ROBO2: variants seen among roughly 807,000 people sequenced by gnomAD.
ROBO2 encodes the protein roundabout guidance receptor 2, also known as roundabout homolog 2.
In ROBO2, 53 loss-of-function variants were observed where a neutral mutation model predicts 160.8. The ratio of observed to expected loss-of-function variants is 0.33; its 90% CI spans 0.26 to 0.41. ROBO2 has a LOEUF of 0.41. Ranked by LOEUF, ROBO2 falls within the 10% of genes least tolerant of loss-of-function variation. The pLI is 1.00. For missense variants in ROBO2, 1,577 were observed against 1,722.4 expected (o/e 0.92, Z 1.49); for synonymous variants, 664 against 611.7 (o/e 1.09, Z -1.26).
rs533465785 is a variant in ROBO2 at position 76,536,971 on chromosome 3, C to T, written c.110-561043C>T. On this transcript the variant is annotated intron_variant, in intron 2 of 26. Coordinates refer to the ROBO2 transcript ENST00000487694. ...AGGTGGGGGAGAGCTAGTTGTGGAA[C>T]GAAACTGTAAGCCAGACTGAGCGTG... Among the ~76,000 whole-genome samples the T allele has an allele frequency of 3.4e-4, 51 of 151,990 alleles. 1 individual carries two copies. In the South Asian group the frequency reaches 0.01, roughly 30 times the overall value.
At position 77,463,332 on chromosome 3, in the gene ROBO2, A is replaced by G. The variant is rs543283351; in HGVS notation, c.389-14082A>G. Among the ~76,000 whole-genome samples, 22 of 152,238 alleles carry G rather than the reference A, an allele frequency of 1.4e-4. No individual in the cohort carries two copies. In the South Asian group the frequency reaches 4.6e-3, roughly 32 times the overall value. ...TCAACTTTTAAAATGAACTAGGTAA[A>G]ACTCACTGGGCAAAATTTATACTTT... On this transcript the variant is annotated intron_variant, in intron 2 of 25. Coordinates refer to ENST00000461745, the Ensembl canonical transcript of ROBO2.
At chr3:76,674,144 T>A (rs1347213104) in intron 2 of ROBO2, among the ~76,000 whole-genome samples, 2 of 152,080 alleles carry the variant, frequency 1.3e-5, no homozygotes, top group Non-Finnish European at 2.9e-5. Flanking sequence ...GAAATCTACA[T>A]TCCAATTGAT....
intron 2 of ROBO2, among the ~76,000 whole-genome samples, chr3:76,215,396 A>C (rs1316503693): frequency 1.3e-5 from 2 of 152,138 alleles, no homozygotes; most frequent in African/African-American, 2.4e-5. Context: ...CATGGCAAAG[A>C]AGTTAAAAAC....
chr3:76,797,919 A>G (rs1267775434), intron 2 of ROBO2, among the ~76,000 whole-genome samples: 2 of 151,898 alleles, frequency 1.3e-5, no homozygotes, highest in East Asian at 3.9e-4. Context: ...AATAACAATC[A>G]AAGCCATAAT....
chr3:77,299,272 G>GT (rs773111757), intron 2 of ROBO2, among the ~76,000 whole-genome samples: 37 of 152,258 alleles, frequency 2.4e-4, no homozygotes, highest in Admixed American at 7.9e-4. Context: ...GATAGGTGTG[G>GT]TATCAGGATG....
chr3:77,491,087 T>G (rs956810348), intron 4 of ROBO2, among the ~76,000 whole-genome samples: 1 of 152,190 alleles, frequency 6.6e-6, no homozygotes, highest in Non-Finnish European at 1.5e-5. Context: ...TTCATGGTCT[T>G]ATCACTCACT....
intron 2 of ROBO2, among the ~76,000 whole-genome samples, chr3:76,771,302 G>A (rs1403243066): frequency 6.6e-6 from 1 of 151,188 alleles, no homozygotes; most frequent in Non-Finnish European, 1.5e-5. Flanking sequence ...GGGTTAAGCA[G>A]GATCTATTGT....
At chr3:77,317,060 T>C in intron 2 of ROBO2, 1 of 1,473,484 alleles carries the variant, frequency 6.8e-7, no homozygotes, top group Middle Eastern at 2.3e-4. Flanking sequence ...TTCACAGTAG[T>C]GTGAAGCTGG....
chr3:77,560,403 G>A (rs1352021595), intron 9 of ROBO2, among the ~76,000 whole-genome samples: 1 of 152,132 alleles, frequency 6.6e-6, no homozygotes, highest in African/African-American at 2.4e-5. Flanking sequence ...AAAATGTGGT[G>A]ATGATGGTAA....
chr3:77,045,536 A>AG (rs1559894329), intron 1 of ROBO2, among the ~76,000 whole-genome samples: 2 of 152,176 alleles, frequency 1.3e-5, no homozygotes, highest in African/African-American at 4.8e-5. Flanking sequence ...CTTCATGTCC[A>AG]ATGAGAATGT....
chr3:76,930,084 C>T (rs868494578), intron 2 of ROBO2, among the ~76,000 whole-genome samples: 1 of 152,098 alleles, frequency 6.6e-6, no homozygotes. Flanking sequence ...AGTGCAGTGC[C>T]GTGATCTCAG....
At chr3:77,119,285 T>C (rs113561846) in intron 2 of ROBO2, among the ~76,000 whole-genome samples, 2,540 of 152,272 alleles carry the variant, frequency 0.017, 56 homozygotes, top group African/African-American at 0.058. Context: ...AACAGACTAA[T>C]ACAAAATTGT....
intron 2 of ROBO2, among the ~76,000 whole-genome samples, chr3:76,421,832 A>G (rs2076008378): frequency 6.6e-6 from 1 of 152,160 alleles, no homozygotes; most frequent in Admixed American, 6.5e-5. Context: ...AATTTTTGGC[A>G]TGGTTTTGCC....
chr3:75,916,741 G>T (rs984770348), intron 1 of ROBO2, among the ~76,000 whole-genome samples: 2 of 152,004 alleles, frequency 1.3e-5, no homozygotes, highest in African/African-American at 4.8e-5. Flanking sequence ...GCATAAAAAT[G>T]AAGATAAAGG....
chr3:77,560,634 T>C (rs1299037896), intron 9 of ROBO2, among the ~76,000 whole-genome samples: 1 of 152,120 alleles, frequency 6.6e-6, no homozygotes, highest in East Asian at 1.9e-4. Flanking sequence ...ATGTGATGAA[T>C]ACTGTGTTCT....
chr3:77,627,172 C>T (rs59745840), intron 23 of ROBO2, among the ~76,000 whole-genome samples: 33 of 152,104 alleles, frequency 2.2e-4, no homozygotes, highest in African/African-American at 7.5e-4. Flanking sequence ...GGATATTACA[C>T]GTGTAATTTT....
intron 2 of ROBO2, among the ~76,000 whole-genome samples, chr3:76,231,298 CT>C (rs1373278286): frequency 2.6e-5 from 4 of 152,200 alleles, no homozygotes; most frequent in African/African-American, 9.7e-5. Flanking sequence ...CATTTACCTT[CT>C]GCTGCTTTAT....
intron 2 of ROBO2, among the ~76,000 whole-genome samples, chr3:76,222,847 C>T (rs750630504): frequency 5.3e-5 from 8 of 151,956 alleles, no homozygotes; most frequent in South Asian, 4.2e-4. Flanking sequence ...CTCCGCCACC[C>T]GGGTTCAAGT....
chr3:77,607,248 T>C (rs184583798), intron 20 of ROBO2, among the ~76,000 whole-genome samples: 1 of 152,340 alleles, frequency 6.6e-6, no homozygotes, highest in Non-Finnish European at 1.5e-5. Context: ...AGTTAAAAAG[T>C]CTATAAAACG....
Sources: gnomAD v4.1 joint callset for allele counts (sites outside exome capture counted in the v4.1 genomes callset) on GRCh38, gnomAD v4.1.1 for gene constraint, MANE v1.5 for transcripts, NCBI Gene and HGNC (gene_info 2026-07-23, HGNC 2026-07-21) for gene names.